Variants in DOCK5 observed in about 807,000 individuals in gnomAD.
The protein encoded by DOCK5 is dedicator of cytokinesis 5.
DOCK5 carries 142 observed loss-of-function variants against 251.8 expected under a neutral mutation model. That is an observed-to-expected ratio of 0.56 (90% CI 0.49 to 0.65). The LOEUF is 0.65. DOCK5 is among the 30% of genes least tolerant of loss of function. The pLI is 0.00. For missense variants in DOCK5, 2,111 were observed against 2,312.3 expected, an observed-to-expected ratio of 0.91 and a Z score of 1.79; for synonymous variants, 842 against 835.5, an observed-to-expected ratio of 1.01 and a Z score of -0.13.
intron 2 of DOCK5, among the ~76,000 whole-genome samples, chr8:25,252,024 A>AT (rs1305458737): frequency 6.6e-6 from 1 of 151,464 alleles, no homozygotes; most frequent in East Asian, 1.9e-4. Context: ...CTTTTAAAAG[A>AT]TTTTTTTCAA....
At position 25,288,319 on chromosome 8, in the gene DOCK5, A is replaced by G. The variant is rs560491902; in HGVS notation, c.322-3705A>G. Among the ~76,000 whole-genome samples, 129 of 152,336 alleles carry G rather than the reference A, an allele frequency of 8.5e-4. 2 individuals are homozygous for G. The highest frequency in any genetic ancestry group is 7.3e-3 in the Admixed American group (112 of 15,296). On this transcript the variant is annotated intron_variant, in intron 5 of 51. Coordinates refer to ENST00000276440, the MANE Select transcript of DOCK5 (RefSeq NM_024940.8). ...TTAGAACGCTCTTAGGAATGTAGCA[A>G]CAAAGTCCATCTCCTTGAAGTGAAT...
rs527681196 is a variant in DOCK5, at chr8:25,368,568, C to T, written c.3284-3C>T. The T allele has an allele frequency of 6.3e-7, 1 of 1,589,492 alleles. No homozygotes were observed. The highest frequency in any genetic ancestry group is 1.4e-5 in the African/African-American group (1 of 73,978). ...TTAATATCTTCATTCACTTTCATTT[C>T]AGGTCCCCACAAAATCAAATTCATC... On this transcript the variant is annotated splice_polypyrimidine_tract_variant and splice_region_variant and intron_variant, in intron 32 of 51. Coordinates refer to ENST00000276440, the MANE Select transcript of DOCK5 (RefSeq NM_024940.8).
At chr8:25,240,793 T>C (rs763604995) in intron 1 of DOCK5, among the ~76,000 whole-genome samples, 1 of 152,218 alleles carries the variant, frequency 6.6e-6, no homozygotes, top group Non-Finnish European at 1.5e-5. Context: ...AATTATACAC[T>C]TGATGTCTCA....
At chr8:25,266,804 C>A (rs1803765096) in intron 2 of DOCK5, among the ~76,000 whole-genome samples, 1 of 149,616 alleles carries the variant, frequency 6.7e-6, no homozygotes. Flanking sequence ...GTAGGGCTTA[C>A]ACACACACCA....
At position 25,342,424 on chromosome 8, in the gene DOCK5, A is replaced by G. The variant is rs1317731644; in HGVS notation, c.2534A>G (p.Gln845Arg). The G allele has an allele frequency of 1.9e-6, 3 of 1,598,008 alleles. No homozygotes were observed. The highest frequency in any genetic ancestry group is 2.6e-6 in the Non-Finnish European group (3 of 1,170,980). ...AGCGTGCTCTTCTGCAAATTCATTCAAAGCATTCCTGACAACCAGCTGGTT... is the reference window on the plus strand; with the variant it reads ...AGCGTGCTCTTCTGCAAATTCATTCGAAGCATTCCTGACAACCAGCTGGTT... ...ELSVLFCKFIQSIPDNQLVRQ... is the reference protein window; with the variant it reads ...ELSVLFCKFIRSIPDNQLVRQ... Residue 845 changes from glutamine (Q) to arginine (R), a missense_variant, in exon 25 of 52, where the codon CAA (glutamine) becomes CGA (arginine). Transcript: ENST00000276440.
At chr8:25,204,264 A>T (rs899713121) in intron 1 of DOCK5, among the ~76,000 whole-genome samples, 2 of 152,156 alleles carry the variant, frequency 1.3e-5, no homozygotes, top group African/African-American at 4.8e-5. Flanking sequence ...AATACAAGAA[A>T]TTTTTTAAAA....
At position 25,317,102 on chromosome 8, in the gene DOCK5, G is replaced by A; in HGVS notation, c.1414G>A (p.Val472Met). 6.2e-7 allele frequency: 1 copy of A among 1,613,934 alleles called. No individual in the cohort carries two copies. The highest frequency in any genetic ancestry group is 1.1e-5 in the South Asian group (1 of 91,080). ...AAAGAATGTGGAGGTGACGATGTCT[G>A]TGCACGATGAGGAGGGCAAGCTCTT... The part of the protein sequence containing the change: ...TPKNVEVTMS[V>M]HDEEGKLLEK... The change falls in exon 14 of 52, where the codon GTG becomes ATG. Residue 472 changes from valine (V) to methionine (M), a missense_variant. Around this residue, in one of 3 missense-constraint regions of DOCK5, gnomAD observed 1,717 missense variants for 1,892.4 expected, o/e 0.91. Transcript: ENST00000276440.
At chr8:25,400,508 A>AAAAAAAAAAAAG in intron 46 of DOCK5, among the ~76,000 whole-genome samples, 1 of 151,106 alleles carries the variant, frequency 6.6e-6, no homozygotes, top group Admixed American at 6.6e-5. Flanking sequence ...AAAAAAAAAA[A>AAAAAAAAAAAAG]AAAGAAAAGT....
chr8:25,204,828 C>G (rs1801962655), intron 1 of DOCK5, among the ~76,000 whole-genome samples: 1 of 152,100 alleles, frequency 6.6e-6, no homozygotes, highest in Non-Finnish European at 1.5e-5. Flanking sequence ...TCAGATTTCC[C>G]CAAATCTCTC....
At chr8:25,291,453 C>T (rs577435395) in intron 5 of DOCK5, among the ~76,000 whole-genome samples, 4 of 152,112 alleles carry the variant, frequency 2.6e-5, no homozygotes, top group East Asian at 1.9e-4. Flanking sequence ...GAGGCCAAGG[C>T]GGGCAGATCA....
chr8:25,210,126 ATCT>A lies in DOCK5; in HGVS notation c.43+25176_43+25178del, dbSNP rs1563309336. Among the ~76,000 whole-genome samples the A allele has an allele frequency of 8.0e-4, 40 of 50,062 alleles. 9 individuals carry two copies. Among genetic ancestry groups the A allele is most frequent in the African/African-American group, 1.7e-3 (39 of 23,054 alleles). The allele number at this position is 50,062 out of a possible 152,430, so 32.8% of individuals were successfully genotyped here. Reference sequence around the variant, plus strand: ...TATCTATCTATCTATCTATCTATCTATCTATCTATCGAGTAGAGATGGGGCCTT... The same window carrying A: ...TATCTATCTATCTATCTATCTATCTAATCTATCGAGTAGAGATGGGGCCTT... On this transcript the variant is annotated intron_variant, in intron 1 of 51. Coordinates refer to ENST00000276440, the MANE Select transcript of DOCK5 (RefSeq NM_024940.8).
intron 27 of DOCK5, among the ~76,000 whole-genome samples, chr8:25,358,362 G>A (rs1479046754): frequency 6.6e-6 from 1 of 152,146 alleles, no homozygotes; most frequent in African/African-American, 2.4e-5. Context: ...CACGAGACTA[G>A]CATGAGTGTA....
Position 25,377,087 on chromosome 8 carries a change from G to A in DOCK5, c.3817-218G>A, listed in dbSNP as rs952281552. 3.3e-5 allele frequency among the ~76,000 whole-genome samples: 5 copies of A among 152,240 alleles called. No homozygotes were observed. The South Asian group carries it at 8.3e-4, about 25-fold the overall frequency. ...TGTCAGTTAGCGACCTTGCTTTGTC[G>A]CTGGCATTTTGGGGGGATGCTGTGA... On this transcript the variant is annotated intron_variant, in intron 37 of 51. Coordinates refer to ENST00000276440, the MANE Select transcript of DOCK5 (RefSeq NM_024940.8).
intron 38 of DOCK5, 46 bp from the exon 39 acceptor site, chr8:25,380,259 G>T: frequency 6.5e-7 from 1 of 1,548,262 alleles, no homozygotes; most frequent in South Asian, 1.2e-5. Flanking sequence ...CTGAATCAAT[G>T]ACTGCCTTGT....
At chr8:25,238,120 G>A (rs1203109451) in intron 1 of DOCK5, among the ~76,000 whole-genome samples, 1 of 152,218 alleles carries the variant, frequency 6.6e-6, no homozygotes, top group East Asian at 1.9e-4. Flanking sequence ...TCACTGATGT[G>A]TGTGATGAGA....
rs1213953128 is a variant in DOCK5, at chr8:25,377,380, G to A, written c.3892G>A (p.Glu1298Lys). The stretch of plus-strand genomic sequence containing the variant: ...TGTTTATACCCAGCAAGAGCTTAAA[G>A]AGAAGCTGTATCAAGAAATCATATC... The part of the protein sequence containing the change: ...YYVYTQQELK[E>K]KLYQEIISYF... The change falls in exon 38 of 52, where the codon GAG becomes AAG. Residue 1298 changes from glutamate to lysine, a missense_variant. By Grantham distance (56) the Glu-to-Lys change is moderately conservative (BLOSUM62 1). Coordinates refer to ENST00000276440, the MANE Select transcript of DOCK5 (RefSeq NM_024940.8). 6.2e-7 allele frequency: 1 copy of A among 1,613,640 alleles called. No homozygotes were observed. The highest frequency in any genetic ancestry group is 8.5e-7 in the Non-Finnish European group (1 of 1,179,748).
At chr8:25,312,716 T>G (rs1235617242) in intron 13 of DOCK5, among the ~76,000 whole-genome samples, 2 of 146,864 alleles carry the variant, frequency 1.4e-5, no homozygotes, top group Non-Finnish European at 3.0e-5. Flanking sequence ...TGAGCTGAGA[T>G]TGCACCACCG....
Position 25,369,083 on chromosome 8 carries a change from A to G in DOCK5, c.3438+358A>G, listed in dbSNP as rs187606835. On this transcript the variant is annotated intron_variant, in intron 33 of 51. Coordinates refer to ENST00000276440, the MANE Select transcript of DOCK5 (RefSeq NM_024940.8). ...AGTACGGCTGAAAGCAGTGCAATGGATTAAGTTCTAATCCATTACTCTGTA... is the reference window on the plus strand; with the variant it reads ...AGTACGGCTGAAAGCAGTGCAATGGGTTAAGTTCTAATCCATTACTCTGTA... 1.2e-4 allele frequency among the ~76,000 whole-genome samples: 18 copies of G among 152,302 alleles called. No individual in the cohort carries two copies. The East Asian group carries it at 3.3e-3, about 28-fold the overall frequency.
chr8:25,199,347 G>T (rs1370687576), intron 1 of DOCK5, among the ~76,000 whole-genome samples: 1 of 150,056 alleles, frequency 6.7e-6, no homozygotes, highest in Non-Finnish European at 1.5e-5. Flanking sequence ...GTGAGTAAGC[G>T]CCTTCTCCCT....
Sources: gnomAD v4.1 joint callset for allele counts (sites outside exome capture counted in the v4.1 genomes callset) on GRCh38, gnomAD v4.1.1 for gene constraint, gnomAD v4.1.1 regional missense constraint, MANE v1.5 for transcripts, NCBI Gene and HGNC (gene_info 2026-07-23, HGNC 2026-07-21) for gene names.